SELENOI: variants seen among roughly 807,000 people sequenced by gnomAD.
SELENOI encodes ethanolaminephosphotransferase 1.
A neutral mutation model predicts 50.7 loss-of-function variants in SELENOI; 24 were observed. That is an observed-to-expected ratio of 0.47 (90% CI 0.34 to 0.67). The LOEUF is 0.67. Ranked by LOEUF, SELENOI falls within the 30% of genes least tolerant of loss-of-function variation. The pLI, the probability that SELENOI is intolerant of heterozygous loss-of-function variation, is 0.01. For missense variants in SELENOI, 352 were observed against 461.4 expected (o/e 0.76, Z 2.17); for synonymous variants, 155 against 170.2 (o/e 0.91, Z 0.70).
intron 3 of SELENOI, among the ~76,000 whole-genome samples, chr2:26,365,795 C>CTTTT (rs55900237): frequency 5.5e-5 from 6 of 108,408 alleles, no homozygotes; most frequent in East Asian, 2.4e-4. Flanking sequence ...ACACTTAAGA[C>CTTTT]TTTTTTTTTT....
chr2:26,383,274 A>G (rs2147961794), intron 6 of SELENOI, 25 bp from the exon 7 acceptor site: 2 of 1,498,286 alleles, frequency 1.3e-6, no homozygotes, highest in Non-Finnish European at 1.8e-6. Context: ...AATAAGCATA[A>G]TAATTGAATA....
At chr2:26,355,678 A>G (rs899195704) in intron 1 of SELENOI, among the ~76,000 whole-genome samples, 12 of 149,250 alleles carry the variant, frequency 8.0e-5, no homozygotes, top group Non-Finnish European at 7.4e-5. Flanking sequence ...CACTGAAATT[A>G]GATCTCCTTG....
Position 26,389,715 on chromosome 2 carries a change from T to C in SELENOI, c.*612T>C, listed in dbSNP as rs940656757. On this transcript the variant is annotated 3_prime_UTR_variant, in exon 10 of 10. Transcript: ENST00000260585. ...TTATTATGGAACAGATCTTGATAGA[T>C]GGTTTAATTTTCTCCTAAAGAGAAA... The C allele has an allele frequency of 6.6e-6, 1 of 152,660 alleles. No homozygotes were observed. Among genetic ancestry groups the C allele is most frequent in the African/African-American group, 2.4e-5 (1 of 41,460 alleles). 9.5% of individuals were successfully genotyped at this position (152,660 alleles called of 1,614,324 possible).
intron 1 of SELENOI, among the ~76,000 whole-genome samples, chr2:26,348,729 A>G (rs140615858): frequency 7.8e-4 from 117 of 150,328 alleles, no homozygotes; most frequent in Non-Finnish European, 1.4e-3. Context: ...ACTGAGGTCT[A>G]GCACAGTACC....
chr2:26,359,405 G>A (rs561912939), intron 1 of SELENOI, among the ~76,000 whole-genome samples: 2 of 152,312 alleles, frequency 1.3e-5, no homozygotes, highest in African/African-American at 2.4e-5. Context: ...AACTTTGGGA[G>A]GCTGAGATGG....
intron 4 of SELENOI, among the ~76,000 whole-genome samples, 186 bp from the exon 5 acceptor site, chr2:26,373,181 G>A (rs1677495276): frequency 6.6e-6 from 1 of 152,226 alleles, no homozygotes. Flanking sequence ...GAGACACTGT[G>A]CCTGGCCCTA....
chr2:26,382,437 A>T (rs1677725653), intron 6 of SELENOI, among the ~76,000 whole-genome samples: 1 of 152,218 alleles, frequency 6.6e-6, no homozygotes, highest in African/African-American at 2.4e-5. Context: ...GAATGAAAAA[A>T]CGATACTGAA....
chr2:26,374,564 GTATTT>G (rs942251660), intron 5 of SELENOI, among the ~76,000 whole-genome samples: 1 of 131,540 alleles, frequency 7.6e-6, no homozygotes, highest in African/African-American at 2.7e-5. Context: ...CTAAAAGATT[GTATTT>G]TTTTTTTTTT....
intron 6 of SELENOI, among the ~76,000 whole-genome samples, chr2:26,382,369 G>A (rs1413570841): frequency 6.6e-6 from 1 of 152,180 alleles, no homozygotes; most frequent in Non-Finnish European, 1.5e-5. Context: ...AAAGGCAAAG[G>A]GAGGAAAGAA....
chr2:26,373,886 A>G (rs1372450803), intron 5 of SELENOI, among the ~76,000 whole-genome samples: 3 of 152,134 alleles, frequency 2.0e-5, no homozygotes, highest in African/African-American at 7.2e-5. Flanking sequence ...CGAGTAGCTG[A>G]GATTACAGGT....
chr2:26,367,252 G>C lies in SELENOI; in HGVS notation c.310+32G>C, dbSNP rs765100107. On this transcript the variant is annotated intron_variant, in intron 4 of 9. Coordinates refer to ENST00000260585, the MANE Select transcript of SELENOI (RefSeq NM_033505.4). ...AATTGGTAAATACTTACTATAGTCA[G>C]TGACTGGTGAATCAGCAAGGATAGC... 3.3e-6 allele frequency: 5 copies of C among 1,527,730 alleles called. No homozygotes were observed. The South Asian group carries it at 6.0e-5, about 18-fold the overall frequency. The allele number at this position is 1,527,730 out of a possible 1,614,324, so 94.6% of individuals were successfully genotyped here.
intron 7 of SELENOI, 90 bp from the exon 8 acceptor site, chr2:26,384,869 G>T (rs1677805508): frequency 1.2e-6 from 1 of 863,374 alleles, no homozygotes; most frequent in Non-Finnish European, 1.7e-6. Flanking sequence ...TAAAATAAGT[G>T]TATAAATAAG....
In SELENOI at chr2:26,355,692, A is replaced by G. The variant is rs547060932; in HGVS notation, c.58-8610A>G. 2.0e-5 allele frequency among the ~76,000 whole-genome samples: 3 copies of G among 149,174 alleles called. No homozygotes were observed. The South Asian group carries it at 6.4e-4, about 32-fold the overall frequency. On this transcript the variant is annotated intron_variant, in intron 1 of 9. Coordinates refer to ENST00000260585, the MANE Select transcript of SELENOI (RefSeq NM_033505.4). ...TCACTGAAATTAGATCTCCTTGCTC[A>G]ATGAGTCATGTTCTCTGTGGGCGTA... is the stretch of plus-strand genomic sequence containing the variant.
At chr2:26,356,406 T>C (rs150718786) in intron 1 of SELENOI, among the ~76,000 whole-genome samples, 12 of 152,202 alleles carry the variant, frequency 7.9e-5, no homozygotes. Context: ...TGCAAAGATG[T>C]GTCAGTTCAG....
intron 1 of SELENOI, among the ~76,000 whole-genome samples, chr2:26,359,364 C>T (rs1247752088): frequency 2.0e-5 from 3 of 152,102 alleles, no homozygotes; most frequent in African/African-American, 2.4e-5. Flanking sequence ...AAAATTAGGC[C>T]TGGTGTAGTG....
chr2:26,365,054 A>T, intron 3 of SELENOI, 114 bp downstream of exon 3: 1 of 703,524 alleles, frequency 1.4e-6, no homozygotes, highest in Non-Finnish European at 2.2e-6. Flanking sequence ...TGAATATTAT[A>T]ATGGCATCAC....
At chr2:26,360,046 A>G (rs1343287624) in intron 1 of SELENOI, among the ~76,000 whole-genome samples, 1 of 152,250 alleles carries the variant, frequency 6.6e-6, no homozygotes, top group Non-Finnish European at 1.5e-5. Context: ...TAACTGGATT[A>G]TCTACCTGGT....
intron 6 of SELENOI, among the ~76,000 whole-genome samples, 183 bp downstream of exon 6, chr2:26,375,331 GT>G (rs913396779): frequency 6.6e-6 from 1 of 152,074 alleles, no homozygotes; most frequent in Non-Finnish European, 1.5e-5. Flanking sequence ...TGTTTTTGGG[GT>G]TTTTTTGTTC....
At chr2:26,387,695 C>A (rs1437783387) in intron 9 of SELENOI, among the ~76,000 whole-genome samples, 28 of 99,162 alleles carry the variant, frequency 2.8e-4, no homozygotes, top group Middle Eastern at 4.3e-3. Flanking sequence ...GACCCTGTCT[C>A]AAAAAAAAAA....
Sources: gnomAD v4.1 joint callset for allele counts (sites outside exome capture counted in the v4.1 genomes callset) on GRCh38, gnomAD v4.1.1 for gene constraint, MANE v1.5 for transcripts, NCBI Gene and HGNC (gene_info 2026-07-23, HGNC 2026-07-21) for gene names.